The following PIK3CD variants were observed in gnomAD, a reference collection of about 807,000 sequenced individuals.
PIK3CD encodes phosphatidylinositol-4,5-bisphosphate 3-kinase catalytic subunit delta.
Under a neutral mutation model 122.9 loss-of-function variants are expected in PIK3CD, and 20 were observed. The ratio of observed to expected loss-of-function variants is 0.16; its 90% CI spans 0.11 to 0.24. The LOEUF (loss-of-function observed/expected upper bound fraction) is 0.24. PIK3CD is among the 10% of genes least tolerant of loss of function. The probability of loss-of-function intolerance (pLI) is 1.00; values close to 1 mark genes in which losing one functional copy is unlikely to be tolerated. For missense variants in PIK3CD, 787 were observed against 1,406.3 expected, an observed-to-expected ratio of 0.56 and a Z score of 7.04; for synonymous variants, 596 against 593.4, an observed-to-expected ratio of 1.00 and a Z score of -0.06.
At position 9,710,667 on chromosome 1, in the gene PIK3CD, A is replaced by G. The variant is rs531018576; in HGVS notation, c.141+71A>G. The G allele has an allele frequency of 3.1e-5, 46 of 1,495,780 alleles. No homozygotes were observed. In the African/African-American group the frequency reaches 6.3e-4, roughly 21 times the overall value. The allele number at this position is 1,495,780 out of a possible 1,614,324, so 92.7% of individuals were successfully genotyped here. A position where few individuals can be genotyped will look rare whatever the true frequency, so the allele number is the denominator to read the frequency against. On this transcript the variant is annotated intron_variant, in intron 3 of 23. Transcript: ENST00000377346. This position sits in a 1 kb window ranked among gnomAD's most constrained non-coding sequence, Gnocchi z 4.7. The stretch of plus-strand genomic sequence containing the variant: ...GAGAGAGAGAGAGACACAGATAGAC[A>G]GACAGACAGACAGACAGATGGACAG...
intron 1 of PIK3CD, among the ~76,000 whole-genome samples, chr1:9,687,957 C>T (rs976124718): frequency 7.2e-5 from 11 of 152,124 alleles, no homozygotes; most frequent in Non-Finnish European, 1.3e-4. Flanking sequence ...GCAAGGCTGC[C>T]GGGTGCTGGG....
chr1:9,665,971 G>A (rs1387899898), intron 1 of PIK3CD, among the ~76,000 whole-genome samples: 1 of 152,138 alleles, frequency 6.6e-6, no homozygotes, highest in African/African-American at 2.4e-5. Context: ...CTTTTGCCCA[G>A]GCTGGAGTGC....
At chr1:9,629,026 G>T in the PIK3CD span, among the ~76,000 whole-genome samples, 2 of 152,222 alleles carry the variant, frequency 1.3e-5, no homozygotes, top group African/African-American at 4.8e-5. Context: ...GGGCGGGCCT[G>T]GGTGGGGAGT....
At chr1:9,637,791 AG>A in the PIK3CD span, among the ~76,000 whole-genome samples, 1 of 152,092 alleles carries the variant, frequency 6.6e-6, no homozygotes. Flanking sequence ...ACCTCTGAAA[AG>A]TTGTTCTTCT....
intron 23 of PIK3CD, among the ~76,000 whole-genome samples, chr1:9,725,825 C>G (rs144707351): frequency 1.3e-5 from 2 of 151,832 alleles, no homozygotes; most frequent in Non-Finnish European, 2.9e-5. Flanking sequence ...TGCAGTGAGC[C>G]GAGATCATGC....
chr1:9,728,353 C>T lies in PIK3CD; in HGVS notation c.*1307C>T, dbSNP rs1270206185. On this transcript the variant is annotated 3_prime_UTR_variant, in exon 24 of 24. Coordinates refer to ENST00000377346, the MANE Select transcript of PIK3CD (RefSeq NM_005026.5). ...TAGAAATGCAGGTTCTAGGGCTTCT[C>T]CCAGCCTTCAGAAGCCAACTAACTC... The T allele has an allele frequency of 1.3e-5, 2 of 152,258 alleles. No individual in the cohort carries two copies. Among genetic ancestry groups the T allele is most frequent in the African/African-American group, 4.8e-5 (2 of 41,438 alleles). 9.4% of individuals were successfully genotyped at this position (152,258 alleles called of 1,614,324 possible).
intron 1 of PIK3CD, among the ~76,000 whole-genome samples, chr1:9,691,196 A>C (rs1242276873): frequency 6.6e-6 from 1 of 152,164 alleles, no homozygotes; most frequent in Non-Finnish European, 1.5e-5. Context: ...AGCTCTAAAA[A>C]CGATCTGAGT....
At chr1:9,708,094 C>T (rs1240223140) in intron 2 of PIK3CD, among the ~76,000 whole-genome samples, 2 of 151,724 alleles carry the variant, frequency 1.3e-5, no homozygotes, top group Admixed American at 1.3e-4. Context: ...GCGCCTGGTC[C>T]CGCCTGGGTA....
chr1:9,721,868 C>T lies in PIK3CD; in HGVS notation c.2055+8C>T, dbSNP rs2100972857. On this transcript the variant is annotated splice_region_variant and intron_variant, in intron 16 of 23. Coordinates refer to ENST00000377346, the MANE Select transcript of PIK3CD (RefSeq NM_005026.5). ...AAGGTGCTGATGAAGCAGGTGAGGCCCAAGGCCCTGGGGGGCGGGCAGGGG... is the reference window on the plus strand; with the variant it reads ...AAGGTGCTGATGAAGCAGGTGAGGCTCAAGGCCCTGGGGGGCGGGCAGGGG... 1 of 1,612,946 alleles carries T rather than the reference C, an allele frequency of 6.2e-7. No individual in the cohort carries two copies. The highest frequency in any genetic ancestry group is 1.3e-5 in the African/African-American group (1 of 75,056).
intron 1 of PIK3CD, among the ~76,000 whole-genome samples, chr1:9,676,147 G>C (rs1645529140): frequency 6.6e-6 from 1 of 151,992 alleles, no homozygotes; most frequent in Non-Finnish European, 1.5e-5. Flanking sequence ...GGCCAGGCTG[G>C]TCCTGAACTC....
chr1:9,726,891 GC>G lies in PIK3CD; in HGVS notation c.2998-17del. 1 of 1,613,664 alleles carries G rather than the reference GC, an allele frequency of 6.2e-7. No individual in the cohort carries two copies. Among genetic ancestry groups the G allele is most frequent in the Non-Finnish European group, 8.5e-7 (1 of 1,179,804 alleles). ...TCCGGGCCCCCTTAACGTGGACACC[GC>G]TGTGATTTGTTTGCAGGACTCCCTG... is the stretch of plus-strand genomic sequence containing the variant. On this transcript the variant is annotated splice_polypyrimidine_tract_variant and intron_variant, in intron 23 of 23. Transcript: ENST00000377346.
chr1:9,670,909 C>G (rs1009520744), intron 1 of PIK3CD, among the ~76,000 whole-genome samples: 1 of 151,876 alleles, frequency 6.6e-6, no homozygotes, highest in African/African-American at 2.4e-5. Flanking sequence ...AGGCGCCCAC[C>G]ACCACACCCA....
intron 2 of PIK3CD, 172 bp downstream of exon 2, chr1:9,691,743 G>A: frequency 2.6e-6 from 1 of 385,718 alleles, no homozygotes. Context: ...GGTGCTAGGA[G>A]CGAATGAATG....
chr1:9,702,338 TTGAG>T (rs1557643235), intron 2 of PIK3CD, among the ~76,000 whole-genome samples: 2 of 151,330 alleles, frequency 1.3e-5, no homozygotes, highest in African/African-American at 4.9e-5. Flanking sequence ...AGGGAGAACA[TTGAG>T]TGGTTTTGGG....
chr1:9,683,045 T>C (rs1410277690), intron 1 of PIK3CD, among the ~76,000 whole-genome samples: 1 of 147,628 alleles, frequency 6.8e-6, no homozygotes, highest in East Asian at 1.9e-4. Flanking sequence ...ACCTTTTTTT[T>C]TTTTTTTTTT....
intron 1 of PIK3CD, among the ~76,000 whole-genome samples, chr1:9,660,120 T>A (rs796581129): frequency 4.1e-4 from 63 of 152,170 alleles, no homozygotes; most frequent in African/African-American, 1.4e-3. Context: ...ACCATGTTGG[T>A]CAGGCTGGTC....
At chr1:9,636,528 G>T in the PIK3CD span, among the ~76,000 whole-genome samples, 1 of 152,194 alleles carries the variant, frequency 6.6e-6, no homozygotes, top group East Asian at 1.9e-4. Context: ...GACACCATCA[G>T]TTCCCATGAT....
chr1:9,690,893 T>C (rs892040450), intron 1 of PIK3CD, among the ~76,000 whole-genome samples: 1 of 152,140 alleles, frequency 6.6e-6, no homozygotes, highest in African/African-American at 2.4e-5. Flanking sequence ...GGAGCTCTAG[T>C]GTCTTTTTTC....
rs1477321621 is a variant in PIK3CD at position 9,721,210 on chromosome 1, C to T, written c.1773C>T (p.His591=). 13 of 1,613,336 alleles carry T rather than the reference C, an allele frequency of 8.1e-6. No homozygotes were observed. The East Asian group carries it at 8.9e-5, about 11-fold the overall frequency. Reference sequence around the variant, plus strand: ...TAGACTTCAGCTTCCCCGATTGCCACGTAGGCTCCTTCGCCATCAAGTCGC... The same window carrying T: ...TAGACTTCAGCTTCCCCGATTGCCATGTAGGCTCCTTCGCCATCAAGTCGC... ...ELLDFSFPDC[H]VGSFAIKSLR... is the part of the protein sequence containing the mutation. The change falls in exon 14 of 24, where the codon CAC becomes CAT. Residue 591 remains histidine, a synonymous_variant. Transcript: ENST00000377346.
Sources: allele counts gnomAD v4.1 joint callset (sites outside exome capture counted in the v4.1 genomes callset), GRCh38; gene constraint gnomAD v4.1.1; non-coding constraint Gnocchi (gnomAD v3.1); transcripts MANE v1.5; gene names NCBI Gene and HGNC (gene_info 2026-07-23, HGNC 2026-07-21).